The following DAB1 variants were observed in gnomAD, a reference collection of about 807,000 sequenced individuals.
DAB1 encodes disabled homolog 1.
Under a neutral mutation model 64.6 loss-of-function variants are expected in DAB1, and 15 were observed. That is an observed-to-expected ratio of 0.23 (90% CI 0.16 to 0.36). The LOEUF (loss-of-function observed/expected upper bound fraction) is 0.36, where lower values mean the gene tolerates loss of function less well. DAB1 is among the 10% of genes least tolerant of loss of function. The probability of loss-of-function intolerance (pLI) is 1.00; values close to 1 mark genes in which losing one functional copy is unlikely to be tolerated. For synonymous variants in DAB1, 235 were observed against 251.9 expected (o/e 0.93, Z 0.64); for missense variants, 596 against 706.7 (o/e 0.84, Z 1.78).
intron 3 of DAB1, among the ~76,000 whole-genome samples, chr1:58,404,454 C>A (rs183717494): frequency 6.6e-6 from 1 of 152,184 alleles, no homozygotes; most frequent in Non-Finnish European, 1.5e-5. Flanking sequence ...TCATCAGGAC[C>A]GATCATGTGA....
At chr1:57,412,964 T>G (rs1198970417) in intron 1 of DAB1, among the ~76,000 whole-genome samples, 1 of 152,226 alleles carries the variant, frequency 6.6e-6, no homozygotes, top group East Asian at 1.9e-4. Flanking sequence ...GAGAGGTCAA[T>G]GCCTGATTTC....
intron 1 of DAB1, among the ~76,000 whole-genome samples, chr1:57,323,614 G>C (rs1227775362): frequency 6.6e-6 from 1 of 152,008 alleles, no homozygotes; most frequent in African/African-American, 2.4e-5. Context: ...TCTCGCTAAG[G>C]GCAGGATCAA....
intron 1 of DAB1, among the ~76,000 whole-genome samples, chr1:57,386,366 G>GA (rs5774342): frequency 0.071 from 8,030 of 112,492 alleles, 274 homozygotes; most frequent in East Asian, 0.14. Context: ...GGCCCCTTGG[G>GA]AAAAAAAAAA....
Position 57,749,181 on chromosome 1 carries a change from T to C in DAB1, n.552-99516A>G, listed in dbSNP as rs371374817. 3.9e-5 allele frequency among the ~76,000 whole-genome samples: 6 copies of C among 152,302 alleles called. 1 individual carries two copies. Among genetic ancestry groups the C allele is most frequent in the East Asian group, 3.9e-4 (2 of 5,174 alleles). ...AGGGGAGGGAATTATATTGACAGTG[T>C]ATCTATTCTGCATAAGGCAGTTAGC... On this transcript the variant is annotated intron_variant and non_coding_transcript_variant, in intron 6 of 20. Coordinates refer to the DAB1 transcript ENST00000485760.
chr1:57,917,630 GT>G lies in DAB1; in HGVS notation n.388-33469del, dbSNP rs372316074. Among the ~76,000 whole-genome samples, 1,019 of 152,210 alleles carry G rather than the reference GT, an allele frequency of 6.7e-3. 12 individuals are homozygous for G. The highest frequency in any genetic ancestry group is 0.024 in the African/African-American group (980 of 41,524). On this transcript the variant is annotated intron_variant and non_coding_transcript_variant, in intron 5 of 20. Coordinates refer to the DAB1 transcript ENST00000485760. ...TTGACAGGTGGATTATTTGTGTGTA[GT>G]TTCTTTTATGAAGAGCAGGGCTTGA...
chr1:58,316,540 C>T (rs181195555), intron 4 of DAB1, among the ~76,000 whole-genome samples: 2 of 152,118 alleles, frequency 1.3e-5, no homozygotes, highest in African/African-American at 4.8e-5. Context: ...CAGGCAAGAC[C>T]ACCAGGAACC....
intron 4 of DAB1, among the ~76,000 whole-genome samples, chr1:58,257,302 T>G (rs897539793): frequency 1.1e-4 from 17 of 152,216 alleles, no homozygotes; most frequent in Admixed American, 9.8e-4. Context: ...TGTATTTGGA[T>G]AGGGCTTCTA....
chr1:57,720,308 G>C (rs1468281264), intron 6 of DAB1, among the ~76,000 whole-genome samples: 2 of 152,178 alleles, frequency 1.3e-5, no homozygotes, highest in Non-Finnish European at 2.9e-5. Context: ...TAGCACAGAT[G>C]AAGAAACCAA....
intron 2 of DAB1, among the ~76,000 whole-genome samples, chr1:57,195,561 C>G (rs608346): frequency 1.3e-5 from 2 of 152,232 alleles, no homozygotes; most frequent in South Asian, 4.1e-4. Context: ...TACTGAGATG[C>G]TGCAGCTGAG....
At chr1:57,050,132 C>A (rs534300679) in intron 9 of DAB1, among the ~76,000 whole-genome samples, 1 of 152,252 alleles carries the variant, frequency 6.6e-6, no homozygotes, top group African/African-American at 2.4e-5. Context: ...TTTGGTTTTT[C>A]CGCTCTTCTA....
At chr1:57,967,205 G>C (rs1645688997) in intron 5 of DAB1, among the ~76,000 whole-genome samples, 1 of 152,190 alleles carries the variant, frequency 6.6e-6, no homozygotes, top group South Asian at 2.1e-4. Flanking sequence ...TGGCCAGACT[G>C]TCTTGCCTAT....
intron 6 of DAB1, among the ~76,000 whole-genome samples, chr1:57,739,126 C>G (rs1647840269): frequency 1.3e-5 from 2 of 152,180 alleles, no homozygotes; most frequent in Admixed American, 1.3e-4. Context: ...TATTGTAAAT[C>G]CAGATGGATA....
chr1:57,553,755 G>A (rs907950907), intron 7 of DAB1, among the ~76,000 whole-genome samples: 1 of 152,118 alleles, frequency 6.6e-6, no homozygotes, highest in Non-Finnish European at 1.5e-5. Context: ...GGAGGGTTCA[G>A]GGTCAAATGC....
intron 3 of DAB1, among the ~76,000 whole-genome samples, chr1:58,485,228 TAAAAAAAAAAAAAAAAAAA>T (rs71043289): frequency 2.4e-5 from 1 of 42,036 alleles, no homozygotes; most frequent in Non-Finnish European, 4.1e-5. Context: ...AGTCTACTAC[TAAAAAAAAAAAAAAAAAAA>T]AAAAAAAAAG....
At chr1:57,853,247 T>TAA (rs35904605) in intron 1 of DAB1, among the ~76,000 whole-genome samples, 218 of 140,418 alleles carry the variant, frequency 1.6e-3, no homozygotes, top group Middle Eastern at 3.5e-3. Flanking sequence ...GGGCTATCTT[T>TAA]AAAAAAAAAA....
At chr1:57,274,210 G>A (rs78536136) in intron 2 of DAB1, among the ~76,000 whole-genome samples, 471 of 152,300 alleles carry the variant, frequency 3.1e-3, no homozygotes, top group Non-Finnish European at 5.6e-3. Context: ...TTAAAACTCA[G>A]TAAGGCATAG....
chr1:57,831,855 C>T (rs990041024), intron 1 of DAB1, among the ~76,000 whole-genome samples: 2 of 151,974 alleles, frequency 1.3e-5, no homozygotes, highest in African/African-American at 4.8e-5. Flanking sequence ...TTTTGTTTTT[C>T]CAATGATTCA....
At chr1:57,815,804 A>T (rs1651830845) in intron 6 of DAB1, among the ~76,000 whole-genome samples, 1 of 152,200 alleles carries the variant, frequency 6.6e-6, no homozygotes, top group Admixed American at 6.5e-5. Context: ...GGTAAACGGT[A>T]ATATGTACAT....
At chr1:58,545,791 T>C (rs1646692977) in intron 1 of DAB1, among the ~76,000 whole-genome samples, 1 of 152,184 alleles carries the variant, frequency 6.6e-6, no homozygotes, top group Non-Finnish European at 1.5e-5. Flanking sequence ...GAAACAGCTG[T>C]CAGATTGGCA....
Sources: allele counts gnomAD v4.1 joint callset (sites outside exome capture counted in the v4.1 genomes callset), GRCh38; gene constraint gnomAD v4.1.1; transcripts MANE v1.5; gene names NCBI Gene and HGNC (gene_info 2026-07-23, HGNC 2026-07-21).